MSH4: variants seen among roughly 807,000 people sequenced by gnomAD.
MSH4 encodes mutS homolog 4.
In MSH4, 106 loss-of-function variants were observed where a neutral mutation model predicts 113.7. The observed-to-expected ratio is 0.93, with a 90% CI of 0.80 to 1.10. The LOEUF is 1.10. Among genes scored for constraint, MSH4 ranks in the 50% least tolerant of loss-of-function variants. The pLI is 0.00. For synonymous variants in MSH4, 368 were observed against 380.2 expected (o/e 0.97, Z 0.37); for missense variants, 1,061 against 1,093.7 (o/e 0.97, Z 0.42).
chr1:75,806,129 T>G (rs937818145), intron 2 of MSH4, among the ~76,000 whole-genome samples: 1 of 151,262 alleles, frequency 6.6e-6, no homozygotes, highest in Non-Finnish European at 1.5e-5. Flanking sequence ...TCTGTGAAAT[T>G]AATGTTCATG....
intron 15 of MSH4, among the ~76,000 whole-genome samples, chr1:75,888,209 G>A (rs1049231163): frequency 3.3e-5 from 5 of 150,888 alleles, no homozygotes; most frequent in Non-Finnish European, 5.9e-5. Context: ...TAATCTTGGA[G>A]TAATCTGGCT....
chr1:75,797,801 CTG>C (rs1250474838), intron 1 of MSH4, among the ~76,000 whole-genome samples: 2 of 152,038 alleles, frequency 1.3e-5, no homozygotes, highest in Non-Finnish European at 1.5e-5. Flanking sequence ...CAAAAATTAT[CTG>C]GGTGTGGTGG....
intron 7 of MSH4, among the ~76,000 whole-genome samples, chr1:75,829,031 C>A (rs549697020): frequency 6.6e-6 from 1 of 152,252 alleles, no homozygotes; most frequent in African/African-American, 2.4e-5. Context: ...ATTCCCTTTC[C>A]CAGCAAAGGG....
At chr1:75,898,309 A>G (rs1218338675) in intron 18 of MSH4, among the ~76,000 whole-genome samples, 1 of 152,112 alleles carries the variant, frequency 6.6e-6, no homozygotes, top group African/African-American at 2.4e-5. Context: ...ATGTAAAAAT[A>G]CAGTGACAAC....
At chr1:75,847,433 T>C (rs912578484) in intron 7 of MSH4, among the ~76,000 whole-genome samples, 7 of 152,090 alleles carry the variant, frequency 4.6e-5, no homozygotes, top group Admixed American at 1.3e-4. Context: ...TTAAATATCA[T>C]GAAGAAAAGT....
chr1:75,884,941 A>G (rs1242252522), intron 15 of MSH4, among the ~76,000 whole-genome samples: 1 of 150,270 alleles, frequency 6.7e-6, no homozygotes, highest in Non-Finnish European at 1.5e-5. Context: ...ATTAGCTATG[A>G]GGAGCTAATA....
At chr1:75,854,225 G>T (rs1273762960) in intron 8 of MSH4, among the ~76,000 whole-genome samples, 2 of 151,334 alleles carry the variant, frequency 1.3e-5, no homozygotes, top group Admixed American at 6.6e-5. Context: ...CCAATGAGAA[G>T]TCTTCATTAT....
At chr1:75,883,554 A>G (rs1651980880) in intron 14 of MSH4, 67 bp from the exon 15 acceptor site, 1 of 1,256,984 alleles carries the variant, frequency 8.0e-7, no homozygotes, top group African/African-American at 1.5e-5. Flanking sequence ...GACAATACAT[A>G]CACACTACAA....
intron 1 of MSH4, among the ~76,000 whole-genome samples, chr1:75,802,829 G>A (rs1357871683): frequency 6.6e-6 from 1 of 152,164 alleles, no homozygotes; most frequent in Non-Finnish European, 1.5e-5. Flanking sequence ...GGAAGTCCAA[G>A]GTCAAAGGAG....
intron 8 of MSH4, among the ~76,000 whole-genome samples, chr1:75,853,344 C>T (rs867573950): frequency 1.9e-4 from 29 of 152,220 alleles, no homozygotes; most frequent in Middle Eastern, 6.8e-3. Flanking sequence ...GGGTTACAGG[C>T]GTGAACCACC....
chr1:75,842,296 G>C (rs1236710733), intron 7 of MSH4, among the ~76,000 whole-genome samples: 2 of 152,170 alleles, frequency 1.3e-5, no homozygotes, highest in African/African-American at 4.8e-5. Flanking sequence ...CAGAGAGATA[G>C]CAGGTTGTAA....
chr1:75,904,085 A>G (rs1652567522), intron 19 of MSH4, among the ~76,000 whole-genome samples: 1 of 152,118 alleles, frequency 6.6e-6, no homozygotes, highest in South Asian at 2.1e-4. Flanking sequence ...GGAATGTTGA[A>G]TTTTGTCAAA....
intron 17 of MSH4, among the ~76,000 whole-genome samples, chr1:75,892,939 G>A (rs1194726437): frequency 2.0e-5 from 3 of 152,112 alleles, no homozygotes; most frequent in Admixed American, 6.6e-5. Flanking sequence ...ACTTCTACTC[G>A]AAATTGAGCC....
At chr1:75,854,341 G>A (rs1324847785) in intron 8 of MSH4, among the ~76,000 whole-genome samples, 4 of 151,964 alleles carry the variant, frequency 2.6e-5, no homozygotes, top group South Asian at 2.1e-4. Context: ...CTATGCTGTA[G>A]TACTCCCTGC....
chr1:75,821,174 A>G lies in MSH4; in HGVS notation c.990-1235A>G, dbSNP rs976382924. ...CTGGAAGTAAAGCACTCCTCAGCAAATGTAAAAGAACAGAAATTATAACAA... is the reference window on the plus strand; with the variant it reads ...CTGGAAGTAAAGCACTCCTCAGCAAGTGTAAAAGAACAGAAATTATAACAA... On this transcript the variant is annotated intron_variant, in intron 6 of 19. Coordinates refer to ENST00000263187, the MANE Select transcript of MSH4 (RefSeq NM_002440.4). Among the ~76,000 whole-genome samples, 143 of 150,512 alleles carry G rather than the reference A, an allele frequency of 9.5e-4. 1 individual carries two copies. Among genetic ancestry groups the G allele is most frequent in the African/African-American group, 3.2e-3 (131 of 41,266 alleles).
At chr1:75,836,994 T>C (rs1407060572) in intron 7 of MSH4, among the ~76,000 whole-genome samples, 1 of 152,244 alleles carries the variant, frequency 6.6e-6, no homozygotes, top group Non-Finnish European at 1.5e-5. Context: ...TATTGCCTTC[T>C]GAGCATTTGC....
chr1:75,859,485 G>T (rs1041397340), intron 8 of MSH4, among the ~76,000 whole-genome samples: 1 of 152,200 alleles, frequency 6.6e-6, no homozygotes, highest in African/African-American at 2.4e-5. Flanking sequence ...TGGTTTCGAA[G>T]AACATCTTTA....
chr1:75,839,637 G>A (rs12081710), intron 7 of MSH4, among the ~76,000 whole-genome samples: 31,396 of 151,706 alleles, frequency 0.21, 3,782 homozygotes, highest in African/African-American at 0.3. Context: ...AACACCAAAA[G>A]CAATGGCAAC....
chr1:75,819,338 CA>C (rs985710138), intron 6 of MSH4, among the ~76,000 whole-genome samples: 10 of 152,006 alleles, frequency 6.6e-5, no homozygotes, highest in African/African-American at 2.4e-4. Flanking sequence ...ACCAAAAATA[CA>C]AAATTTAGCC....
Sources: allele counts gnomAD v4.1 joint callset (sites outside exome capture counted in the v4.1 genomes callset), GRCh38; gene constraint gnomAD v4.1.1; transcripts MANE v1.5; gene names NCBI Gene and HGNC (gene_info 2026-07-23, HGNC 2026-07-21).